Variants in MCMBP observed in about 807,000 individuals in gnomAD.
MCMBP encodes the protein mini-chromosome maintenance complex-binding protein.
In MCMBP, 31 loss-of-function variants were observed where a neutral mutation model predicts 81.3. That is an observed-to-expected ratio of 0.38 (90% CI 0.29 to 0.51). The LOEUF (loss-of-function observed/expected upper bound fraction) is 0.51, where lower values mean the gene tolerates loss of function less well. Ranked by LOEUF, MCMBP falls within the 20% of genes least tolerant of loss-of-function variation. The pLI, the probability that MCMBP is intolerant of heterozygous loss-of-function variation, is 0.87. For synonymous variants in MCMBP, 267 were observed against 275.9 expected, an observed-to-expected ratio of 0.97 and a Z score of 0.32; for missense variants, 645 against 772.1, an observed-to-expected ratio of 0.84 and a Z score of 1.95.
intron 6 of MCMBP, among the ~76,000 whole-genome samples, chr10:119,850,881 T>G (rs865945684): frequency 1.3e-5 from 2 of 149,624 alleles, no homozygotes; most frequent in Non-Finnish European, 3.0e-5. Context: ...TCTGTTTTTT[T>G]TTTTTTTTTT....
At chr10:119,840,313 A>C (rs1852389998) in intron 11 of MCMBP, among the ~76,000 whole-genome samples, 1 of 152,170 alleles carries the variant, frequency 6.6e-6, no homozygotes, top group Non-Finnish European at 1.5e-5. Context: ...CACCCTCTTC[A>C]ATTTCCAAAG....
chr10:119,832,151 AAATT>A, intron 14 of MCMBP, 51 bp from the exon 15 acceptor site: 2 of 1,528,972 alleles, frequency 1.3e-6, no homozygotes, highest in African/African-American at 1.4e-5. Context: ...AAGGAAAAGA[AAATT>A]AACATGGTTC....
chr10:119,835,557 A>G lies in MCMBP; in HGVS notation c.1690T>C (p.Ser564Pro). 6.2e-7 allele frequency: 1 copy of G among 1,614,026 alleles called. No homozygotes were observed. Among genetic ancestry groups the G allele is most frequent in the Non-Finnish European group, 8.5e-7 (1 of 1,179,928 alleles). ...TLLRFLEYSISDEITKAVEDD... is the reference protein window; with the variant it reads ...TLLRFLEYSIPDEITKAVEDD... ...AGACATACCTTGGTTATTTCATCAG[A>G]TATGCTATATTCCAAGAATCTCAAA... The change falls in exon 14 of 16, where the codon TCT (serine) becomes CCT (proline). Residue 564 changes from serine (S) to proline (P), a missense_variant. Physicochemically the swap from Ser to Pro is moderately conservative, Grantham distance 74. Transcript: ENST00000369077.
upstream of MCMBP, chr10:119,872,954 G>C (rs1210517563): frequency 2.0e-5 from 3 of 151,826 alleles, no homozygotes; most frequent in African/African-American, 7.2e-5. Context: ...CGAGGAGGAG[G>C]GGCGGCGGCG....
intron 7 of MCMBP, among the ~76,000 whole-genome samples, chr10:119,848,023 G>A (rs1852677312): frequency 6.7e-6 from 1 of 148,842 alleles, no homozygotes; most frequent in Non-Finnish European, 1.5e-5. Flanking sequence ...GTTAAAACTA[G>A]AACTGTGCAC....
intron 8 of MCMBP, among the ~76,000 whole-genome samples, chr10:119,843,882 G>T (rs749072099): frequency 6.6e-6 from 1 of 151,868 alleles, no homozygotes; most frequent in Non-Finnish European, 1.5e-5. Flanking sequence ...GGCTGGTCTC[G>T]AACTCCTGAC....
chr10:119,860,729 CT>C (rs1413812231), intron 1 of MCMBP, among the ~76,000 whole-genome samples: 1 of 152,084 alleles, frequency 6.6e-6, no homozygotes, highest in Non-Finnish European at 1.5e-5. Flanking sequence ...GAATAAGGTC[CT>C]TTTTTAAAAA....
chr10:119,858,522 T>C (rs1853132260), intron 4 of MCMBP, among the ~76,000 whole-genome samples: 1 of 152,046 alleles, frequency 6.6e-6, no homozygotes, highest in Non-Finnish European at 1.5e-5. Flanking sequence ...ATTTCTGTAT[T>C]ATAGGCTGAT....
chr10:119,841,866 G>A (rs533145139), intron 10 of MCMBP, among the ~76,000 whole-genome samples: 3 of 152,326 alleles, frequency 2.0e-5, no homozygotes, highest in African/African-American at 7.2e-5. Flanking sequence ...CGTTCAGAAT[G>A]CAAAAGGGAT....
At chr10:119,834,251 C>T (rs1030914616) in intron 14 of MCMBP, among the ~76,000 whole-genome samples, 1 of 144,296 alleles carries the variant, frequency 6.9e-6, no homozygotes, top group Admixed American at 6.8e-5. Context: ...GCTCAACAAA[C>T]TCCATGTAGG....
chr10:119,853,206 A>T lies in MCMBP; in HGVS notation c.430-12T>A, dbSNP rs917116828. On this transcript the variant is annotated splice_polypyrimidine_tract_variant and intron_variant, in intron 5 of 15. Transcript: ENST00000369077. ...GCATTAACATAGGCGTTAAACGAAA[A>T]GTTAAGAAAAGACTATCATAAACTG... The T allele has an allele frequency of 6.2e-7, 1 of 1,610,134 alleles. No individual in the cohort carries two copies. The highest frequency in any genetic ancestry group is 1.7e-5 in the Admixed American group (1 of 59,760).
intron 12 of MCMBP, among the ~76,000 whole-genome samples, chr10:119,838,263 CAT>C (rs983992646): frequency 4.1e-5 from 6 of 147,466 alleles, no homozygotes; most frequent in African/African-American, 1.2e-4. Flanking sequence ...TTAAATGAGA[CAT>C]TATATATTAT....
At chr10:119,834,298 C>T (rs1406370757) in intron 14 of MCMBP, among the ~76,000 whole-genome samples, 3 of 152,106 alleles carry the variant, frequency 2.0e-5, no homozygotes, top group Non-Finnish European at 2.9e-5. Flanking sequence ...ACATCATAAT[C>T]GAAACTGTCA....
intron 4 of MCMBP, 22 bp downstream of exon 4, chr10:119,858,862 C>A: frequency 6.5e-7 from 1 of 1,541,246 alleles, no homozygotes; most frequent in South Asian, 1.2e-5. Flanking sequence ...AAAAATGTTT[C>A]ATATATATTA....
At chr10:119,869,050 G>C (rs1853571779) in intron 1 of MCMBP, among the ~76,000 whole-genome samples, 1 of 152,222 alleles carries the variant, frequency 6.6e-6, no homozygotes. Flanking sequence ...CAGTATGGCA[G>C]GTGGAAGAGA....
At chr10:119,852,501 C>A (rs1251902001) in intron 6 of MCMBP, among the ~76,000 whole-genome samples, 3 of 152,216 alleles carry the variant, frequency 2.0e-5, no homozygotes, top group Non-Finnish European at 4.4e-5. Flanking sequence ...ATAGTGAGAT[C>A]CCATCTCTAC....
At chr10:119,833,873 A>T (rs1852142705) in intron 14 of MCMBP, among the ~76,000 whole-genome samples, 1 of 152,190 alleles carries the variant, frequency 6.6e-6, no homozygotes, top group Non-Finnish European at 1.5e-5. Flanking sequence ...TATGAGAATC[A>T]CCAAATAGAG....
In MCMBP at chr10:119,842,547, A is replaced by T; in HGVS notation, c.1049T>A (p.Leu350His). The part of the protein sequence containing the change: ...SELSPVRAEL[L>H]GFLTHALLGD... ...CAGAAGGGCATGAGTAAGGAACCCA[A>T]GAAGTTCTGCTCTGACTGGAGACAA... The change falls in exon 10 of 16, where the codon CTT becomes CAT. Residue 350 changes from leucine (L) to histidine (H), a missense_variant. By Grantham distance (99) the Leu-to-His change is moderately conservative. Transcript: ENST00000369077. 1 of 1,614,008 alleles carries T rather than the reference A, an allele frequency of 6.2e-7. No homozygotes were observed. Among genetic ancestry groups the T allele is most frequent in the Non-Finnish European group, 8.5e-7 (1 of 1,179,896 alleles).
intron 1 of MCMBP, among the ~76,000 whole-genome samples, chr10:119,869,326 C>T (rs906455578): frequency 6.6e-6 from 1 of 152,212 alleles, no homozygotes; most frequent in Non-Finnish European, 1.5e-5. Flanking sequence ...ACAATCCCAG[C>T]ACTTTGGGAG....
Sources: allele counts gnomAD v4.1 joint callset (sites outside exome capture counted in the v4.1 genomes callset), GRCh38; gene constraint gnomAD v4.1.1; transcripts MANE v1.5; gene names NCBI Gene and HGNC (gene_info 2026-07-23, HGNC 2026-07-21).